Variants in KCNN3 observed in about 807,000 individuals in gnomAD.
KCNN3 encodes small conductance calcium-activated potassium channel protein 3.
KCNN3 carries 16 observed loss-of-function variants against 62.9 expected under a neutral mutation model. That is an observed-to-expected ratio of 0.25 (90% CI 0.17 to 0.39). KCNN3 has a LOEUF of 0.39. Among genes scored for constraint, KCNN3 ranks in the 10% least tolerant of loss-of-function variants. The pLI, the probability that KCNN3 is intolerant of heterozygous loss-of-function variation, is 1.00. For synonymous variants in KCNN3, 370 were observed against 389.2 expected (o/e 0.95, Z 0.58); for missense variants, 599 against 949.4 (o/e 0.63, Z 4.85).
At chr1:154,770,753 A>G (rs1429236576) in intron 3 of KCNN3, among the ~76,000 whole-genome samples, 1 of 152,170 alleles carries the variant, frequency 6.6e-6, no homozygotes, top group Non-Finnish European at 1.5e-5. Flanking sequence ...CACATGTCAA[A>G]TAGATTAAAA....
Position 154,754,773 on chromosome 1 carries a change from G to A in KCNN3, c.1448+17202C>T, listed in dbSNP as rs74575015. On this transcript the variant is annotated intron_variant, in intron 3 of 7. Coordinates refer to ENST00000271915, the MANE Select transcript of KCNN3 (RefSeq NM_002249.6). ...AGACACCTTTCCGGACTTCTTTGGC[G>A]TCAGACAGAACTTCTGTTTTGTTTA... Among the ~76,000 whole-genome samples the A allele has an allele frequency of 7.3e-3, 1,110 of 152,288 alleles. 23 individuals are homozygous for A. Among genetic ancestry groups the A allele is most frequent in the African/African-American group, 0.025 (1,045 of 41,540 alleles).
At chr1:154,861,385 C>T (rs1652765285) in intron 1 of KCNN3, among the ~76,000 whole-genome samples, 1 of 152,150 alleles carries the variant, frequency 6.6e-6, no homozygotes, top group South Asian at 2.1e-4. Flanking sequence ...TCACTGTGCC[C>T]TCGCCCTGGG....
At chr1:154,834,844 T>C (rs1438684775) in intron 1 of KCNN3, among the ~76,000 whole-genome samples, 2 of 152,170 alleles carry the variant, frequency 1.3e-5, no homozygotes, top group Non-Finnish European at 2.9e-5. Flanking sequence ...AAGCCCAGGA[T>C]TGGTAAGGAC....
chr1:154,757,082 G>A (rs906879993), intron 3 of KCNN3, among the ~76,000 whole-genome samples: 2 of 152,212 alleles, frequency 1.3e-5, no homozygotes, highest in African/African-American at 4.8e-5. Context: ...GCAGAGGAGG[G>A]AGAATGTCCA....
intron 2 of KCNN3, among the ~76,000 whole-genome samples, chr1:154,777,897 A>T (rs1434251552): frequency 1.3e-5 from 2 of 152,220 alleles, no homozygotes; most frequent in Admixed American, 1.3e-4. Flanking sequence ...CTTCCTGATG[A>T]GGCATAGGTT....
At chr1:154,852,604 G>T (rs1652351474) in intron 1 of KCNN3, among the ~76,000 whole-genome samples, 1 of 152,060 alleles carries the variant, frequency 6.6e-6, no homozygotes, top group African/African-American at 2.4e-5. Flanking sequence ...GATATGCTGT[G>T]TCAGAGACAC....
At position 154,715,105 on chromosome 1, in the gene KCNN3, A is replaced by G. The variant is rs1700204772; in HGVS notation, c.1702-102T>C. 2.8e-6 allele frequency: 4 copies of G among 1,414,760 alleles called. No homozygotes were observed. The South Asian group carries it at 3.5e-5, about 12-fold the overall frequency. 87.6% of individuals were successfully genotyped at this position (1,414,760 alleles called of 1,614,324 possible). A position where few individuals can be genotyped will look rare whatever the true frequency, so the allele number is the denominator to read the frequency against. ...TACCTCATAAGGAAACGATTTTGCA[A>G]TGATCTATTTTCTTAACCAAAATCA... On this transcript the variant is annotated intron_variant, in intron 5 of 7. Coordinates refer to ENST00000271915, the MANE Select transcript of KCNN3 (RefSeq NM_002249.6).
chr1:154,837,794 G>A (rs1651653907), intron 1 of KCNN3, among the ~76,000 whole-genome samples: 1 of 152,212 alleles, frequency 6.6e-6, no homozygotes, highest in African/African-American at 2.4e-5. Flanking sequence ...GGGCTACCAG[G>A]TGGCAACCCC....
At chr1:154,825,402 G>A (rs529767955) in intron 1 of KCNN3, among the ~76,000 whole-genome samples, 1 of 120,280 alleles carries the variant, frequency 8.3e-6, no homozygotes, top group African/African-American at 3.3e-5. Flanking sequence ...GTCTTGCTCT[G>A]TCTCCCAGAC....
intron 3 of KCNN3, among the ~76,000 whole-genome samples, chr1:154,734,249 A>G (rs1184158625): frequency 1.3e-5 from 2 of 152,180 alleles, no homozygotes; most frequent in Admixed American, 6.5e-5. Context: ...ACAACACACA[A>G]TAGACTCTGT....
chr1:154,739,073 A>G (rs866091275), intron 3 of KCNN3, among the ~76,000 whole-genome samples: 1 of 152,250 alleles, frequency 6.6e-6, no homozygotes, highest in Non-Finnish European at 1.5e-5. Context: ...AGGTAGCAAT[A>G]CACACATATT....
chr1:154,840,607 G>A (rs538038613), intron 1 of KCNN3, among the ~76,000 whole-genome samples: 2 of 152,168 alleles, frequency 1.3e-5, no homozygotes, highest in African/African-American at 2.4e-5. Flanking sequence ...TCCTCATATC[G>A]GGACAAAACG....
At chr1:154,721,297 T>C (rs1571210490) in intron 5 of KCNN3, among the ~76,000 whole-genome samples, 2 of 126,644 alleles carry the variant, frequency 1.6e-5, no homozygotes, top group Non-Finnish European at 1.6e-5. Flanking sequence ...TTTCTTTTTC[T>C]TTCCTTTTTT....
intron 5 of KCNN3, among the ~76,000 whole-genome samples, chr1:154,719,747 C>T (rs1170791295): frequency 1.3e-5 from 2 of 152,122 alleles, no homozygotes; most frequent in African/African-American, 4.8e-5. Context: ...CCCCTCATCA[C>T]CACCCTGCAG....
chr1:154,782,313 C>G (rs371221723), intron 2 of KCNN3, among the ~76,000 whole-genome samples: 19 of 152,320 alleles, frequency 1.2e-4, no homozygotes, highest in African/African-American at 4.6e-4. Flanking sequence ...GCCTCCGAAA[C>G]AAAATATCAT....
chr1:154,798,361 T>A (rs1391722598), intron 2 of KCNN3, among the ~76,000 whole-genome samples: 3 of 152,150 alleles, frequency 2.0e-5, no homozygotes, highest in African/African-American at 7.2e-5. Flanking sequence ...TTATCCCCAT[T>A]CACAGATGAG....
rs754478127 is a variant in KCNN3 at position 154,869,257 on chromosome 1, G to A, written c.708C>T (p.His236=). ...GCTGGTGGTTGTGGGTGGCATTAGG[G>A]TGATGGAGCAGGGTCTGGTGGGCAT... is the stretch of plus-strand genomic sequence containing the variant. ...DNHAHQTLLH[H]PNATHNHQHA... is the part of the protein sequence containing the mutation. Residue 236 remains histidine, a synonymous_variant, in exon 1 of 8, where the codon CAC becomes CAT. Transcript: ENST00000271915. This position sits in a 1 kb window ranked among gnomAD's most constrained non-coding sequence, Gnocchi z 6.1. 1.9e-6 allele frequency: 3 copies of A among 1,613,910 alleles called. No homozygotes were observed. Among genetic ancestry groups the A allele is most frequent in the South Asian group, 2.2e-5 (2 of 91,080 alleles).
chr1:154,853,920 G>A (rs1652409869), intron 1 of KCNN3, among the ~76,000 whole-genome samples: 1 of 151,696 alleles, frequency 6.6e-6, no homozygotes, highest in Non-Finnish European at 1.5e-5. Context: ...CTCCAGTCTG[G>A]GTGACAGAGT....
At chr1:154,843,448 A>G (rs1480825816) in intron 1 of KCNN3, among the ~76,000 whole-genome samples, 1 of 152,024 alleles carries the variant, frequency 6.6e-6, no homozygotes, top group African/African-American at 2.4e-5. Context: ...CTCAGCCCTC[A>G]TCAAATATTT....
Sources: gnomAD v4.1 joint callset for allele counts (sites outside exome capture counted in the v4.1 genomes callset) on GRCh38, gnomAD v4.1.1 for gene constraint, Gnocchi (gnomAD v3.1) non-coding constraint, MANE v1.5 for transcripts, NCBI Gene and HGNC (gene_info 2026-07-23, HGNC 2026-07-21) for gene names.